CTNNA1: variants seen among roughly 807,000 people sequenced by gnomAD.
The protein encoded by CTNNA1 is catenin alpha 1, also known as catenin alpha-1.
Under a neutral mutation model 98.4 loss-of-function variants are expected in CTNNA1, and 37 were observed. The observed-to-expected ratio is 0.38, with a 90% CI of 0.29 to 0.49. The LOEUF is 0.49. CTNNA1 is among the 20% of genes least tolerant of loss of function. The probability of loss-of-function intolerance (pLI) is 0.95; values close to 1 mark genes in which losing one functional copy is unlikely to be tolerated. For synonymous variants in CTNNA1, 404 were observed against 413.2 expected, an observed-to-expected ratio of 0.98 and a Z score of 0.27; for missense variants, 761 against 1,147.2, an observed-to-expected ratio of 0.66 and a Z score of 4.86.
At chr5:138,876,603 T>A (rs1334835564) in intron 7 of CTNNA1, among the ~76,000 whole-genome samples, 1 of 152,242 alleles carries the variant, frequency 6.6e-6, no homozygotes, top group Admixed American at 6.5e-5. Context: ...CATTGGCACT[T>A]ACCCTTTGTG....
At chr5:138,822,553 G>T (rs1760145204) in intron 5 of CTNNA1, among the ~76,000 whole-genome samples, 1 of 151,962 alleles carries the variant, frequency 6.6e-6, no homozygotes, top group Non-Finnish European at 1.5e-5. Flanking sequence ...GAGCCCCTCA[G>T]ATTGTGGTGA....
intron 1 of CTNNA1, among the ~76,000 whole-genome samples, chr5:138,760,132 T>TA (rs1215201788): frequency 2.0e-5 from 3 of 150,108 alleles, no homozygotes; most frequent in African/African-American, 7.4e-5. Flanking sequence ...GTAGCTGGGA[T>TA]ACAGGCATGC....
chr5:138,932,143 C>CTAT lies in CTNNA1; in HGVS notation c.2299-433_2299-431dup, dbSNP rs1290624190. 11 of 992,204 alleles carry CTAT rather than the reference C, an allele frequency of 1.1e-5. No individual in the cohort carries two copies. The East Asian group carries it at 8.9e-4, about 80-fold the overall frequency. 61.5% of individuals were successfully genotyped at this position (992,204 alleles called of 1,614,324 possible). A position where few individuals can be genotyped will look rare whatever the true frequency, so the allele number is the denominator to read the frequency against. Reference sequence around the variant, plus strand: ...AAGTGCCTCAGAGCAGAAGAGTTAACTATTTGTTTACTTAGCTAAAAACAT... The same window carrying CTAT: ...AAGTGCCTCAGAGCAGAAGAGTTAACTATTATTTGTTTACTTAGCTAAAAACAT... On this transcript the variant is annotated intron_variant, in intron 16 of 17. Transcript: ENST00000302763.
At chr5:138,876,702 G>A (rs1189876831) in intron 7 of CTNNA1, among the ~76,000 whole-genome samples, 1 of 152,190 alleles carries the variant, frequency 6.6e-6, no homozygotes, top group African/African-American at 2.4e-5. Context: ...TTGGTTCTGA[G>A]GGATTCATCC....
chr5:138,882,768 G>A (rs547990471), intron 7 of CTNNA1, among the ~76,000 whole-genome samples: 3 of 152,310 alleles, frequency 2.0e-5, no homozygotes, highest in African/African-American at 7.2e-5. Flanking sequence ...TTTTTGTTCA[G>A]TTAATGCTAG....
intron 1 of CTNNA1, among the ~76,000 whole-genome samples, chr5:138,767,395 T>C (rs1250299329): frequency 6.6e-6 from 1 of 152,154 alleles, no homozygotes; most frequent in Non-Finnish European, 1.5e-5. Flanking sequence ...TCCTCTATTT[T>C]TCACTCACTG....
At chr5:138,933,142 G>A (rs541534830) in intron 17 of CTNNA1, among the ~76,000 whole-genome samples, 3 of 152,120 alleles carry the variant, frequency 2.0e-5, no homozygotes, top group Admixed American at 2.0e-4. Flanking sequence ...AAAACAAAAC[G>A]AAACAACAAA....
At chr5:138,800,708 C>G (rs1757479326) in intron 3 of CTNNA1, among the ~76,000 whole-genome samples, 1 of 152,052 alleles carries the variant, frequency 6.6e-6, no homozygotes, top group Non-Finnish European at 1.5e-5. Context: ...GAGGCTGAGG[C>G]AGGAGAATCA....
At chr5:138,769,694 C>T (rs1438849268) in intron 1 of CTNNA1, among the ~76,000 whole-genome samples, 2 of 150,006 alleles carry the variant, frequency 1.3e-5, no homozygotes, top group Admixed American at 6.7e-5. Context: ...CCACCACGCC[C>T]AGCTAATTTT....
intron 7 of CTNNA1, among the ~76,000 whole-genome samples, chr5:138,834,475 C>T (rs574159204): frequency 5.9e-5 from 9 of 152,230 alleles, no homozygotes; most frequent in African/African-American, 2.2e-4. Flanking sequence ...ATTTTATCCC[C>T]ATAATAACCC....
At chr5:138,838,468 A>G (rs1282420517) in intron 7 of CTNNA1, among the ~76,000 whole-genome samples, 2 of 152,166 alleles carry the variant, frequency 1.3e-5, no homozygotes, top group East Asian at 1.9e-4. Flanking sequence ...TTCTTTGTCA[A>G]TCTGGCCAGA....
intron 7 of CTNNA1, among the ~76,000 whole-genome samples, chr5:138,854,396 G>T (rs948844072): frequency 1.3e-5 from 2 of 152,122 alleles, no homozygotes; most frequent in African/African-American, 4.8e-5. Flanking sequence ...GGGCTATTTT[G>T]TCTTGATCTG....
At chr5:138,893,409 T>C (rs772608153) in intron 9 of CTNNA1, among the ~76,000 whole-genome samples, 11 of 152,240 alleles carry the variant, frequency 7.2e-5, no homozygotes, top group South Asian at 2.1e-4. Flanking sequence ...TTGGCTCTTA[T>C]GTATGGCTTT....
intron 3 of CTNNA1, among the ~76,000 whole-genome samples, chr5:138,787,720 C>T (rs1200920461): frequency 6.6e-6 from 1 of 152,172 alleles, no homozygotes; most frequent in African/African-American, 2.4e-5. Context: ...CCCGTGCAAT[C>T]ATAATAACCA....
intron 3 of CTNNA1, among the ~76,000 whole-genome samples, chr5:138,797,992 A>G (rs957562648): frequency 6.6e-5 from 10 of 152,314 alleles, no homozygotes; most frequent in Non-Finnish European, 1.5e-4. Context: ...TGCACTATAG[A>G]CAGTGGAGTG....
intron 3 of CTNNA1, among the ~76,000 whole-genome samples, chr5:138,786,517 A>T (rs1350110666): frequency 6.6e-6 from 1 of 152,168 alleles, no homozygotes; most frequent in Non-Finnish European, 1.5e-5. Context: ...ACCCTTGAAC[A>T]TGGGTTGAAC....
In CTNNA1 at chr5:138,767,963, C is replaced by G. The variant is rs1166059096; in HGVS notation, c.-2-13960C>G. Among the ~76,000 whole-genome samples, 6 of 152,224 alleles carry G rather than the reference C, an allele frequency of 3.9e-5. No individual in the cohort carries two copies. In the East Asian group the frequency reaches 1.2e-3, roughly 29 times the overall value. ...AGAAATGCAGAATCTTAGGCCTTACCCTAGATATATTGAATCAGAATCTGT... is the reference window on the plus strand; with the variant it reads ...AGAAATGCAGAATCTTAGGCCTTACGCTAGATATATTGAATCAGAATCTGT... On this transcript the variant is annotated intron_variant, in intron 1 of 17. Coordinates refer to ENST00000302763, the MANE Select transcript of CTNNA1 (RefSeq NM_001903.5).
At chr5:138,847,321 C>T (rs746147509) in intron 7 of CTNNA1, among the ~76,000 whole-genome samples, 3 of 152,058 alleles carry the variant, frequency 2.0e-5, no homozygotes, top group Non-Finnish European at 2.9e-5. Flanking sequence ...CTGTCTCCTT[C>T]CCTGTCTCCC....
At position 138,889,409 on chromosome 5, in the gene CTNNA1, G is replaced by A. The variant is rs180812999; in HGVS notation, c.1296+1767G>A. 2.6e-5 allele frequency among the ~76,000 whole-genome samples: 4 copies of A among 152,242 alleles called. No homozygotes were observed. In the East Asian group the frequency reaches 5.8e-4, roughly 22 times the overall value. On this transcript the variant is annotated intron_variant, in intron 9 of 17. Transcript: ENST00000302763. ...ACAACATTTCTCAGGTAAGGAAACA[G>A]GTTTACAGAGGTTAAGTAAGTTGCC...
Sources: gnomAD v4.1 joint callset for allele counts (sites outside exome capture counted in the v4.1 genomes callset) on GRCh38, gnomAD v4.1.1 for gene constraint, MANE v1.5 for transcripts, NCBI Gene and HGNC (gene_info 2026-07-23, HGNC 2026-07-21) for gene names.